The following PXYLP1 variants were observed in gnomAD, a reference collection of about 807,000 sequenced individuals.
PXYLP1 encodes acid phosphatase-like 2.
A neutral mutation model predicts 37.9 loss-of-function variants in PXYLP1; 17 were observed. The ratio of observed to expected loss-of-function variants is 0.45; its 90% CI spans 0.31 to 0.67. The LOEUF is 0.67. Ranked by LOEUF, PXYLP1 falls within the 30% of genes least tolerant of loss-of-function variation. The pLI, the probability that PXYLP1 is intolerant of heterozygous loss-of-function variation, is 0.07. For missense variants in PXYLP1, 511 were observed against 612.0 expected, an observed-to-expected ratio of 0.84 and a Z score of 1.74; for synonymous variants, 221 against 232.2, an observed-to-expected ratio of 0.95 and a Z score of 0.44.
At chr3:141,260,395 G>C in intron 2 of PXYLP1, 141 bp downstream of exon 2, 2 of 941,468 alleles carry the variant, frequency 2.1e-6, no homozygotes, top group Non-Finnish European at 3.1e-6. Flanking sequence ...ACAGTGGCCG[G>C]TTGCAAGGAG....
intron 1 of PXYLP1, among the ~76,000 whole-genome samples, chr3:141,249,443 C>G (rs899712962): frequency 6.8e-6 from 1 of 148,136 alleles, no homozygotes; most frequent in African/African-American, 2.5e-5. Context: ...TTACATTGCA[C>G]AGCTATGAGT....
At chr3:141,255,685 C>T (rs182577850) in intron 1 of PXYLP1, among the ~76,000 whole-genome samples, 12 of 152,278 alleles carry the variant, frequency 7.9e-5, no homozygotes, top group Admixed American at 6.5e-4. Context: ...CAGGGGTAGG[C>T]GCAGAGCTCC....
chr3:141,250,561 C>G (rs550992562), intron 1 of PXYLP1, among the ~76,000 whole-genome samples: 4 of 152,208 alleles, frequency 2.6e-5, no homozygotes, highest in African/African-American at 9.7e-5. Flanking sequence ...ACATGACACA[C>G]TTCAGCCAGT....
At chr3:141,232,300 G>A (rs1310996329) in intron 1 of PXYLP1, 1 of 151,898 alleles carries the variant, frequency 6.6e-6, no homozygotes, top group Non-Finnish European at 1.5e-5. Flanking sequence ...CTCTCCCGCG[G>A]AGCCCGCCTC....
At chr3:141,263,876 C>G (rs1941450386) in intron 2 of PXYLP1, among the ~76,000 whole-genome samples, 1 of 152,200 alleles carries the variant, frequency 6.6e-6, no homozygotes, top group African/African-American at 2.4e-5. Context: ...CCAACATAAA[C>G]CTTTTAAGCA....
chr3:141,283,041 G>T (rs182893968), intron 4 of PXYLP1, among the ~76,000 whole-genome samples: 1 of 151,710 alleles, frequency 6.6e-6, no homozygotes, highest in Non-Finnish European at 1.5e-5. Context: ...AACTTGGCTC[G>T]TTGCAACCTC....
At chr3:141,261,118 C>T (rs1190989279) in intron 2 of PXYLP1, among the ~76,000 whole-genome samples, 2 of 152,212 alleles carry the variant, frequency 1.3e-5, no homozygotes, top group African/African-American at 4.8e-5. Flanking sequence ...ATCCTTGAAC[C>T]TGTCTCCCTC....
chr3:141,265,212 G>A (rs556708145), intron 2 of PXYLP1, among the ~76,000 whole-genome samples: 8 of 152,212 alleles, frequency 5.3e-5, no homozygotes, highest in African/African-American at 1.9e-4. Flanking sequence ...AGGCTGTGAG[G>A]AGCCACTGAA....
At chr3:141,277,428 G>A (rs1449368608) in intron 2 of PXYLP1, among the ~76,000 whole-genome samples, 2 of 152,084 alleles carry the variant, frequency 1.3e-5, no homozygotes, top group African/African-American at 4.8e-5. Flanking sequence ...CATTCCCTAG[G>A]CACGGAGAGA....
At chr3:141,240,282 C>T (rs922242462) in intron 1 of PXYLP1, among the ~76,000 whole-genome samples, 2 of 152,202 alleles carry the variant, frequency 1.3e-5, no homozygotes, top group African/African-American at 4.8e-5. Flanking sequence ...GAGGAAGGCT[C>T]ACTGCTTAAA....
At chr3:141,233,677 C>T (rs939190357) in intron 1 of PXYLP1, among the ~76,000 whole-genome samples, 1 of 152,118 alleles carries the variant, frequency 6.6e-6, no homozygotes, top group Admixed American at 6.5e-5. Context: ...TCACTGATGC[C>T]TTGGGAGGCT....
intron 1 of PXYLP1, among the ~76,000 whole-genome samples, chr3:141,257,759 G>C (rs1057330166): frequency 6.6e-6 from 1 of 151,936 alleles, no homozygotes; most frequent in African/African-American, 2.4e-5. Flanking sequence ...AAAATTAGTC[G>C]GGTGTGTGGT....
At chr3:141,291,405 A>G (rs1942201024) in intron 5 of PXYLP1, among the ~76,000 whole-genome samples, 1 of 152,220 alleles carries the variant, frequency 6.6e-6, no homozygotes, top group African/African-American at 2.4e-5. Context: ...CTAAAACAGT[A>G]CTAAGAAGTA....
At chr3:141,279,674 G>A in intron 4 of PXYLP1, among the ~76,000 whole-genome samples, 170 bp downstream of exon 4, 1 of 152,240 alleles carries the variant, frequency 6.6e-6, no homozygotes, top group East Asian at 1.9e-4. Context: ...GCCCACAGAG[G>A]CGGGGACACC....
intron 4 of PXYLP1, among the ~76,000 whole-genome samples, chr3:141,283,364 C>G (rs563188022): frequency 1.3e-5 from 2 of 151,982 alleles, no homozygotes; most frequent in Non-Finnish European, 2.9e-5. Flanking sequence ...ATGTTGATGG[C>G]ATTTGAAGCT....
In PXYLP1 at chr3:141,292,394, T is replaced by C; in HGVS notation, c.632T>C (p.Leu211Pro). The C allele has an allele frequency of 1.2e-6, 2 of 1,614,218 alleles. No individual in the cohort carries two copies. Among genetic ancestry groups the C allele is most frequent in the Non-Finnish European group, 1.7e-6 (2 of 1,180,030 alleles). ...YLETTGKSRT[L>P]QSGLALLYGF... is the part of the protein sequence containing the mutation. ...GAGACCACTGGGAAAAGCCGGACCC[T>C]ACAAAGTGGGCTGGCCTTGCTTTAT... The change falls in exon 6 of 6, where the codon CTA becomes CCA. Residue 211 changes from leucine to proline, a missense_variant. Leu to Pro is a moderately conservative substitution (Grantham distance 98). Transcript: ENST00000286353. The surrounding 1 kb of genome is among the most constrained non-coding windows in gnomAD (Gnocchi z 4.3).
In PXYLP1 at chr3:141,293,068, C is replaced by A; in HGVS notation, c.1306C>A (p.Gln436Lys). Residue 436 changes from glutamine to lysine, a missense_variant, in exon 6 of 6, where the codon CAA becomes AAA. Coordinates refer to ENST00000286353, the MANE Select transcript of PXYLP1 (RefSeq NM_001037172.3). Reference sequence around the variant, plus strand: ...TGTCACATTCCACACCTCTTTCTGCCAAGACCACCACAAGCGTTCTCCCAA... The same window carrying A: ...TGTCACATTCCACACCTCTTTCTGCAAAGACCACCACAAGCGTTCTCCCAA... ...VDVTFHTSFC[Q>K]DHHKRSPKPM... 6.2e-7 allele frequency: 1 copy of A among 1,614,180 alleles called. No individual in the cohort carries two copies. Among genetic ancestry groups the A allele is most frequent in the Non-Finnish European group, 8.5e-7 (1 of 1,180,032 alleles).
intron 1 of PXYLP1, among the ~76,000 whole-genome samples, chr3:141,238,428 T>C (rs1940710207): frequency 1.3e-5 from 2 of 152,220 alleles, no homozygotes; most frequent in African/African-American, 4.8e-5. Context: ...TGATTGCTGC[T>C]TCAGGAACTC....
At chr3:141,284,356 G>C (rs1942023933) in intron 4 of PXYLP1, among the ~76,000 whole-genome samples, 1 of 148,560 alleles carries the variant, frequency 6.7e-6, no homozygotes, top group Non-Finnish European at 1.5e-5. Context: ...GCATACACAT[G>C]ATCAGAAAGC....
Sources: gnomAD v4.1 joint callset for allele counts (sites outside exome capture counted in the v4.1 genomes callset) on GRCh38, gnomAD v4.1.1 for gene constraint, Gnocchi (gnomAD v3.1) non-coding constraint, MANE v1.5 for transcripts, NCBI Gene and HGNC (gene_info 2026-07-23, HGNC 2026-07-21) for gene names.